SLC16A11: variants seen among roughly 807,000 people sequenced by gnomAD.
The protein encoded by SLC16A11 is solute carrier family 16 member 11, also known as monocarboxylate transporter 11.
SLC16A11 carries 24 observed loss-of-function variants against 26.0 expected under a neutral mutation model. The ratio of observed to expected loss-of-function variants is 0.92; its 90% CI spans 0.67 to 1.30. SLC16A11 has a LOEUF of 1.30. Ranked by LOEUF, SLC16A11 falls within the 50% of genes most tolerant of loss-of-function variation. SLC16A11 has a pLI of 0.00. For missense variants in SLC16A11, 638 were observed against 597.7 expected (o/e 1.07, Z -0.70); for synonymous variants, 332 against 296.0 (o/e 1.12, Z -1.25).
chr17:7,042,791 C>T lies in SLC16A11; in HGVS notation c.347-28G>A. On this transcript the variant is annotated intron_variant, in intron 3 of 4. Coordinates refer to ENST00000574600, the MANE Select transcript of SLC16A11 (RefSeq NM_001370549.1). This position sits in a 1 kb window ranked among gnomAD's most constrained non-coding sequence, Gnocchi z 5.9. ...GCGAATGAATAGGAGGGGATGGGGG[C>T]CGGCACTGGGGACGCCCGCCCCAGC... The T allele has an allele frequency of 1.3e-6, 2 of 1,542,628 alleles. No homozygotes were observed. Among genetic ancestry groups the T allele is most frequent in the Non-Finnish European group, 1.7e-6 (2 of 1,146,078 alleles).
intron 2 of SLC16A11, 46 bp from the exon 3 acceptor site, chr17:7,043,119 A>G: frequency 6.7e-7 from 1 of 1,482,232 alleles, no homozygotes; most frequent in South Asian, 1.4e-5. Flanking sequence ...CGGGCCCCCA[A>G]ACTCTCTCCA....
At chr17:7,041,964 T>A (rs755014334) in intron 4 of SLC16A11, 32 bp downstream of exon 4, 1 of 1,599,412 alleles carries the variant, frequency 6.3e-7, no homozygotes, top group South Asian at 1.1e-5. Context: ...CAGAGGATAG[T>A]TGTAGGCAGA....
chr17:7,043,661 G>T, intron 1 of SLC16A11, 114 bp downstream of exon 1: 2 of 1,465,982 alleles, frequency 1.4e-6, no homozygotes, highest in South Asian at 2.8e-5. Context: ...GGCGGAGGGA[G>T]CCGGAGCCTG....
At position 7,041,770 on chromosome 17, in the gene SLC16A11, G is replaced by A. The variant is rs541156991; in HGVS notation, c.1253C>T (p.Pro418Leu). 4 of 1,613,664 alleles carry A rather than the reference G, an allele frequency of 2.5e-6. No homozygotes were observed. The African/African-American group carries it at 4.0e-5, about 16-fold the overall frequency. The change falls in exon 5 of 5, where the codon CCT becomes CTT. Residue 418 changes from proline to leucine, a missense_variant. Coordinates refer to ENST00000574600, the MANE Select transcript of SLC16A11 (RefSeq NM_001370549.1). ...SCGPASPPAT[P>L]PPETGELLPA... ...AAGCAGCTCCCCCGTCTCTGGGGGA[G>A]GCGTGGCTGGAGGGGAGGCTGGACC...
Position 7,042,354 on chromosome 17 carries a change from TC to T in SLC16A11, c.755del (p.Gly252AspfsTer43). The T allele has an allele frequency of 1.3e-6, 2 of 1,558,674 alleles. No homozygotes were observed. Among genetic ancestry groups the T allele is most frequent in the Non-Finnish European group, 1.7e-6 (2 of 1,150,592 alleles). ...CGGCCACCACCAGCGCTGCTCCGTA[TC>T]CCCCCAGGCCCCGGTCTAAAGCGTG... ...APHALDRGLG[G>X]YGAALVVAVA... On this transcript the variant is annotated frameshift_variant, in exon 4 of 5. Coordinates refer to ENST00000574600, the MANE Select transcript of SLC16A11 (RefSeq NM_001370549.1). LOFTEE classifies it high-confidence loss of function. This position sits in a 1 kb window ranked among gnomAD's most constrained non-coding sequence, Gnocchi z 5.9.
rs746009321 is a variant in SLC16A11, at chr17:7,042,854, G to T, written c.346+76C>A. ...GCTCTCCGCACCAGGCCCCCGCCTC[G>T]TTCGCTACCCCAGATCCCAACAAGC... On this transcript the variant is annotated intron_variant, in intron 3 of 4. Coordinates refer to ENST00000574600, the MANE Select transcript of SLC16A11 (RefSeq NM_001370549.1). This position sits in a 1 kb window ranked among gnomAD's most constrained non-coding sequence, Gnocchi z 5.9. 1.0e-5 allele frequency: 16 copies of T among 1,596,414 alleles called. No homozygotes were observed. In the South Asian group the frequency reaches 1.0e-4, roughly 10 times the overall value.
rs1276376958 is a variant in SLC16A11, at chr17:7,043,069, G to C, written c.207C>G (p.Pro69=). Residue 69 remains proline (P), a synonymous_variant, in exon 3 of 5, where the codon CCC becomes CCG. Transcript: ENST00000574600. Reference sequence around the variant, plus strand: ...AGCGCGTGCTCAGGGCGCTGCCCACGGGGCCTGAAAGGGGGCGGAGTCAAC... The same window carrying C: ...AGCGCGTGCTCAGGGCGCTGCCCACCGGGCCTGAAAGGGGGCGGAGTCAAC... The part of the protein sequence containing the change: ...LALAVQQAAS[P]VGSALSTRWG... 6.5e-6 allele frequency: 10 copies of C among 1,545,344 alleles called. No homozygotes were observed. The highest frequency in any genetic ancestry group is 7.9e-6 in the Non-Finnish European group (9 of 1,145,400).
At position 7,041,922 on chromosome 17, in the gene SLC16A11, T is replaced by A. The variant is rs1292806410; in HGVS notation, c.1115-14A>T. The A allele has an allele frequency of 6.2e-7, 1 of 1,612,142 alleles. No homozygotes were observed. On this transcript the variant is annotated splice_polypyrimidine_tract_variant and intron_variant, in intron 4 of 4. Coordinates refer to ENST00000574600, the MANE Select transcript of SLC16A11 (RefSeq NM_001370549.1). Reference sequence around the variant, plus strand: ...CCCTTAGGAAGCCTGAGGAGATGGGTAAGGGCATTTAGAAGCCTCGAACCC... The same window carrying A: ...CCCTTAGGAAGCCTGAGGAGATGGGAAAGGGCATTTAGAAGCCTCGAACCC...
At position 7,042,421 on chromosome 17, in the gene SLC16A11, A is replaced by G. The variant is rs750257681; in HGVS notation, c.689T>C (p.Val230Ala). 12 of 1,559,096 alleles carry G rather than the reference A, an allele frequency of 7.7e-6. No homozygotes were observed. The highest frequency in any genetic ancestry group is 1.0e-5 in the Non-Finnish European group (12 of 1,150,996). Residue 230 changes from valine (V) to alanine (A), a missense_variant, in exon 4 of 5, where the codon GTT becomes GCT. Transcript: ENST00000574600. This position sits in a 1 kb window ranked among gnomAD's most constrained non-coding sequence, Gnocchi z 5.9. ...FSIFALGTAL[V>A]GGGYFVPYVH... Reference sequence around the variant, plus strand: ...GTAAGGAACGAAGTACCCGCCCCCAACCAGGGCTGTGCCTAGAGCAAAGAT... The same window carrying G: ...GTAAGGAACGAAGTACCCGCCCCCAGCCAGGGCTGTGCCTAGAGCAAAGAT...
intron 2 of SLC16A11, 37 bp downstream of exon 2, chr17:7,043,275 T>C (rs978178969): frequency 2.5e-6 from 4 of 1,582,156 alleles, no homozygotes; most frequent in Non-Finnish European, 3.4e-6. Flanking sequence ...CGGCTCCTCC[T>C]CCCCGTTCCT....
Position 7,042,129 on chromosome 17 carries a change from C to T in SLC16A11, c.981G>A (p.Leu327=). ...CCAGCGGGGCGTAACTCCCCGCGCTCAGCCCATAGGCCACAGCCGCGGCCA... is the reference window on the plus strand; with the variant it reads ...CCAGCGGGGCGTAACTCCCCGCGCTTAGCCCATAGGCCACAGCCGCGGCCA... ...PLLAAAVAYG[L]SAGSYAPLVF... The change falls in exon 4 of 5, where the codon CTG becomes CTA. Residue 327 remains leucine, a synonymous_variant. Transcript: ENST00000574600. The surrounding 1 kb of genome is among the most constrained non-coding windows in gnomAD (Gnocchi z 5.9). 1 of 1,597,116 alleles carries T rather than the reference C, an allele frequency of 6.3e-7. No individual in the cohort carries two copies. The highest frequency in any genetic ancestry group is 1.1e-5 in the South Asian group (1 of 89,516).
At chr17:7,043,115 C>A in intron 2 of SLC16A11, 42 bp from the exon 3 acceptor site, 1 of 1,487,770 alleles carries the variant, frequency 6.7e-7, no homozygotes, top group Non-Finnish European at 8.9e-7. Context: ...CCCCCGGGCC[C>A]CCAAACTCTC....
At position 7,042,114 on chromosome 17, in the gene SLC16A11, G is replaced by A. The variant is rs1191590627; in HGVS notation, c.996C>T (p.Tyr332=). 6 of 1,601,912 alleles carry A rather than the reference G, an allele frequency of 3.7e-6. No individual in the cohort carries two copies. The highest frequency in any genetic ancestry group is 1.3e-5 in the African/African-American group (1 of 74,694). ...AVAYGLSAGS[Y]APLVFGVLPG... The stretch of plus-strand genomic sequence containing the variant: ...GGAGTACACCGAAAACCAGCGGGGC[G>A]TAACTCCCCGCGCTCAGCCCATAGG... The change falls in exon 4 of 5, where the codon TAC becomes TAT. Residue 332 remains tyrosine (Y), a synonymous_variant. Coordinates refer to ENST00000574600, the MANE Select transcript of SLC16A11 (RefSeq NM_001370549.1). The surrounding 1 kb of genome is among the most constrained non-coding windows in gnomAD (Gnocchi z 5.9).
Position 7,042,216 on chromosome 17 carries a change from C to T in SLC16A11, c.894G>A (p.Gly298=), listed in dbSNP as rs1910776181. 1.3e-6 allele frequency: 2 copies of T among 1,576,498 alleles called. No individual in the cohort carries two copies. Among genetic ancestry groups the T allele is most frequent in the East Asian group, 4.8e-5 (2 of 42,068 alleles). ...CGGGCACCAGCCCCACCACCCACAGCCCCAGCCCAGTCAGAGCCCCGAATA... is the reference window on the plus strand; with the variant it reads ...CGGGCACCAGCCCCACCACCCACAGTCCCAGCCCAGTCAGAGCCCCGAATA... ...LAVFGALTGL[G]LWVVGLVPVV... The change falls in exon 4 of 5, where the codon GGG becomes GGA. Residue 298 remains glycine (G), a synonymous_variant. Coordinates refer to ENST00000574600, the MANE Select transcript of SLC16A11 (RefSeq NM_001370549.1). This position sits in a 1 kb window ranked among gnomAD's most constrained non-coding sequence, Gnocchi z 5.9.
Position 7,043,525 on chromosome 17 carries a change from G to A in SLC16A11, c.-6-6C>T. The A allele has an allele frequency of 6.3e-7, 1 of 1,596,818 alleles. No homozygotes were observed. Among genetic ancestry groups the A allele is most frequent in the South Asian group, 1.1e-5 (1 of 90,856 alleles). On this transcript the variant is annotated splice_region_variant and splice_polypyrimidine_tract_variant and intron_variant, in intron 1 of 4. Transcript: ENST00000574600. ...GGCTGGGGGGTCATCGCCGTCTGCG[G>A]GGTGGGGAAACATCTGTGAGAGAAG...
chr17:7,043,738 G>A, intron 1 of SLC16A11, 37 bp downstream of exon 1: 1 of 896,382 alleles, frequency 1.1e-6, no homozygotes, highest in Non-Finnish European at 1.6e-6. Flanking sequence ...CCCCAGGCCC[G>A]AGGTTCCCCG....
chr17:7,041,857 C>A lies in SLC16A11; in HGVS notation c.1166G>T (p.Gly389Val), dbSNP rs777830514. The change falls in exon 5 of 5, where the codon GGT becomes GTT. Residue 389 changes from glycine to valine, a missense_variant. Transcript: ENST00000574600. ...GAAGCTGCCGGAGAGGATCAAAGAA[C>A]CAGACAGGAGGAAAGAGGCGGTGAA... ...GDFTASFLLSGSLILSGSFIY... is the reference protein window; with the variant it reads ...GDFTASFLLSVSLILSGSFIY... 130 of 1,613,888 alleles carry A rather than the reference C, an allele frequency of 8.1e-5. No individual in the cohort carries two copies. The highest frequency in any genetic ancestry group is 1.0e-4 in the Non-Finnish European group (122 of 1,179,958).
rs1353482261 is a variant in SLC16A11, at chr17:7,042,509, C to A, written c.601G>T (p.Ala201Ser). ...GCAGCTAGGGGACTACGCGGTGGGG[C>A]TGGGGGGTCTCCAGGAAGGACCAGG... Reference protein sequence around the residue: ...LPLVLPGDPPAPPRSPLAALG... With the variant: ...LPLVLPGDPPSPPRSPLAALG... The change falls in exon 4 of 5, where the codon GCC becomes TCC. Residue 201 changes from alanine to serine, a missense_variant. Physicochemically the swap from Ala to Ser is moderately conservative, Grantham distance 99. Transcript: ENST00000574600. This position sits in a 1 kb window ranked among gnomAD's most constrained non-coding sequence, Gnocchi z 5.9. The A allele has an allele frequency of 1.9e-6, 3 of 1,562,782 alleles. No homozygotes were observed. The highest frequency in any genetic ancestry group is 1.7e-6 in the Non-Finnish European group (2 of 1,153,654).
rs949293012 is a variant in SLC16A11, at chr17:7,042,090, G to A, written c.1020C>T (p.Leu340=). The change falls in exon 4 of 5, where the codon CTC becomes CTT. Residue 340 remains leucine (L), a synonymous_variant. Transcript: ENST00000574600. The surrounding 1 kb of genome is among the most constrained non-coding windows in gnomAD (Gnocchi z 5.9). ...GSYAPLVFGV[L]PGLVGVGGVV... ...CACCTCCGACGCCCACCAGCCCGGGGAGTACACCGAAAACCAGCGGGGCGT... is the reference window on the plus strand; with the variant it reads ...CACCTCCGACGCCCACCAGCCCGGGAAGTACACCGAAAACCAGCGGGGCGT... 3.1e-6 allele frequency: 5 copies of A among 1,607,382 alleles called. No individual in the cohort carries two copies. Among genetic ancestry groups the A allele is most frequent in the South Asian group, 1.1e-5 (1 of 90,690 alleles).
Sources: allele counts gnomAD v4.1 joint callset, GRCh38; gene constraint gnomAD v4.1.1; non-coding constraint Gnocchi (gnomAD v3.1); transcripts MANE v1.5; gene names NCBI Gene and HGNC (gene_info 2026-07-23, HGNC 2026-07-21).